The following DLG2 variants were observed in gnomAD, a reference collection of about 807,000 sequenced individuals.
DLG2 encodes the protein discs large MAGUK scaffold protein 2.
DLG2 carries 45 observed loss-of-function variants against 132.5 expected under a neutral mutation model. The ratio of observed to expected loss-of-function variants is 0.34; its 90% CI spans 0.27 to 0.44. The LOEUF is 0.44. Ranked by LOEUF, DLG2 falls within the 20% of genes least tolerant of loss-of-function variation. DLG2 has a pLI of 1.00. For missense variants in DLG2, 1,045 were observed against 1,196.9 expected, an observed-to-expected ratio of 0.87 and a Z score of 1.87; for synonymous variants, 424 against 419.6, an observed-to-expected ratio of 1.01 and a Z score of -0.13.
intron 7 of DLG2, among the ~76,000 whole-genome samples, chr11:84,399,044 C>T (rs2098820428): frequency 6.6e-6 from 1 of 152,014 alleles, no homozygotes; most frequent in African/African-American, 2.4e-5. Context: ...GGTTGGTGTT[C>T]AAAAAATGAA....
intron 7 of DLG2, among the ~76,000 whole-genome samples, chr11:84,297,046 C>T (rs1309207689): frequency 2.0e-5 from 3 of 151,560 alleles, no homozygotes; most frequent in Non-Finnish European, 4.4e-5. Context: ...AGATACTCTC[C>T]CAATTTCCAA....
At chr11:84,260,656 C>T (rs2154357128) in intron 7 of DLG2, among the ~76,000 whole-genome samples, 1 of 152,236 alleles carries the variant, frequency 6.6e-6, no homozygotes, top group Non-Finnish European at 1.5e-5. Flanking sequence ...CCTTACAGAA[C>T]CCCAGAAGGA....
intron 18 of DLG2, among the ~76,000 whole-genome samples, chr11:83,771,371 T>A (rs2094385777): frequency 6.6e-6 from 1 of 152,192 alleles, no homozygotes; most frequent in African/African-American, 2.4e-5. Context: ...TTTTTCTTTT[T>A]TGTAGGAAAT....
intron 17 of DLG2, among the ~76,000 whole-genome samples, chr11:83,810,923 T>C (rs1416129397): frequency 2.6e-5 from 4 of 152,212 alleles, no homozygotes; most frequent in East Asian, 3.9e-4. Context: ...GACCTAACTG[T>C]AGAAAGTCAA....
intron 6 of DLG2, among the ~76,000 whole-genome samples, chr11:84,773,407 C>G (rs911270638): frequency 2.0e-5 from 3 of 152,158 alleles, no homozygotes; most frequent in African/African-American, 7.2e-5. Flanking sequence ...AGAGACTCCT[C>G]CCTAACTCAT....
At chr11:85,055,084 T>C (rs1004784483) in intron 6 of DLG2, among the ~76,000 whole-genome samples, 3 of 152,176 alleles carry the variant, frequency 2.0e-5, no homozygotes, top group Non-Finnish European at 4.4e-5. Context: ...TGGACTGGAT[T>C]CTAACACTAT....
intron 15 of DLG2, among the ~76,000 whole-genome samples, chr11:83,888,797 A>T (rs985029446): frequency 5.3e-5 from 8 of 152,100 alleles, no homozygotes; most frequent in East Asian, 3.9e-4. Context: ...TCAGAAATAA[A>T]GCCGCATATC....
chr11:83,825,600 A>G (rs1167734890), intron 17 of DLG2, among the ~76,000 whole-genome samples: 7 of 152,004 alleles, frequency 4.6e-5, no homozygotes. Context: ...TAGATAATGG[A>G]GGGTTTTTCC....
chr11:84,407,783 C>T (rs1441511076), intron 7 of DLG2, among the ~76,000 whole-genome samples: 3 of 152,126 alleles, frequency 2.0e-5, no homozygotes, highest in Admixed American at 1.3e-4. Flanking sequence ...AAGGTTGCAC[C>T]GATAGCCTGT....
chr11:84,163,393 T>C, intron 9 of DLG2, 68 bp downstream of exon 9: 1 of 1,374,754 alleles, frequency 7.3e-7, no homozygotes, highest in Non-Finnish European at 1.0e-6. Context: ...ACAAGACAAC[T>C]CATTAAGATT....
At chr11:84,364,439 A>G (rs1481635495) in intron 7 of DLG2, among the ~76,000 whole-genome samples, 1 of 152,150 alleles carries the variant, frequency 6.6e-6, no homozygotes, top group Non-Finnish European at 1.5e-5. Flanking sequence ...CTAGATATAC[A>G]ATCATGTCAT....
At position 85,520,493 on chromosome 11, in the gene DLG2, T is replaced by A. The variant is rs565348833; in HGVS notation, c.40+78164A>T. Among the ~76,000 whole-genome samples, 8 of 143,662 alleles carry A rather than the reference T, an allele frequency of 5.6e-5. No homozygotes were observed. In the South Asian group the frequency reaches 6.8e-4, roughly 12 times the overall value. 94.2% of individuals were successfully genotyped at this position (143,662 alleles called of 152,430 possible). A position where few individuals can be genotyped will look rare whatever the true frequency, so the allele number is the denominator to read the frequency against. On this transcript the variant is annotated intron_variant, in intron 3 of 27. Coordinates refer to ENST00000376104, the MANE Select transcript of DLG2 (RefSeq NM_001142699.3). ...TATTCTTCACAGAAACAGAAAAAAA[T>A]AGTCCTAAAATGTATATGGAACCAC...
intron 15 of DLG2, among the ~76,000 whole-genome samples, chr11:83,879,668 T>C (rs534383732): frequency 1.3e-5 from 2 of 152,320 alleles, no homozygotes; most frequent in East Asian, 1.9e-4. Flanking sequence ...AGTTGTTTCA[T>C]TGACACTTAA....
At chr11:84,580,773 G>A (rs1430096419) in intron 6 of DLG2, among the ~76,000 whole-genome samples, 1 of 152,192 alleles carries the variant, frequency 6.6e-6, no homozygotes, top group African/African-American at 2.4e-5. Context: ...CCCTACGCAA[G>A]ATAAATCATT....
chr11:84,432,631 C>A (rs987189214), intron 7 of DLG2, among the ~76,000 whole-genome samples: 3 of 152,186 alleles, frequency 2.0e-5, no homozygotes, highest in Admixed American at 2.0e-4. Flanking sequence ...CTACTGCCAG[C>A]AAATGTATTA....
chr11:84,267,078 C>T (rs1432291904), intron 7 of DLG2, among the ~76,000 whole-genome samples: 1 of 152,196 alleles, frequency 6.6e-6, no homozygotes, highest in Non-Finnish European at 1.5e-5. Flanking sequence ...TGAAGAAAGG[C>T]AGGTGGGATT....
chr11:85,217,056 G>T (rs2082662215), intron 4 of DLG2, among the ~76,000 whole-genome samples: 1 of 151,894 alleles, frequency 6.6e-6, no homozygotes, highest in South Asian at 2.1e-4. Context: ...AAACTCATAA[G>T]ACTTTTAAAT....
At chr11:85,318,301 G>C (rs1224071344) in intron 3 of DLG2, among the ~76,000 whole-genome samples, 1 of 151,780 alleles carries the variant, frequency 6.6e-6, no homozygotes, top group Non-Finnish European at 1.5e-5. Flanking sequence ...TTTCCAATGT[G>C]GCCAAATCCT....
chr11:84,352,542 C>G (rs1443077038), intron 7 of DLG2, among the ~76,000 whole-genome samples: 1 of 152,106 alleles, frequency 6.6e-6, no homozygotes, highest in Non-Finnish European at 1.5e-5. Context: ...ATGTTTCCAG[C>G]TAGGGTGAGC....
Sources: gnomAD v4.1 joint callset for allele counts (sites outside exome capture counted in the v4.1 genomes callset) on GRCh38, gnomAD v4.1.1 for gene constraint, MANE v1.5 for transcripts, NCBI Gene and HGNC (gene_info 2026-07-23, HGNC 2026-07-21) for gene names.